Variants in APOLD1 observed in about 807,000 individuals in gnomAD.
The protein encoded by APOLD1 is apolipoprotein L domain containing 1, also known as apolipoprotein L domain-containing protein 1.
Under a neutral mutation model 15.3 loss-of-function variants are expected in APOLD1, and 22 were observed. The observed-to-expected ratio is 1.44, with a 90% confidence interval of 1.03 to 2.05. The LOEUF (loss-of-function observed/expected upper bound fraction) is 2.05. Ranked by LOEUF, APOLD1 falls within the 30% of genes most tolerant of loss-of-function variation. The probability of loss-of-function intolerance (pLI) is 0.00; values close to 1 mark genes in which losing one functional copy is unlikely to be tolerated. For synonymous variants in APOLD1, 190 were observed against 167.4 expected, an observed-to-expected ratio of 1.13 and a Z score of -1.04; for missense variants, 394 against 353.5, an observed-to-expected ratio of 1.11 and a Z score of -0.92.
At chr12:12,749,451 C>T (rs1946790659) in intron 1 of APOLD1, among the ~76,000 whole-genome samples, 1 of 152,202 alleles carries the variant, frequency 6.6e-6, no homozygotes, top group African/African-American at 2.4e-5. Flanking sequence ...CCCACCTTTT[C>T]TGCCCAGCAG....
rs1947133107 is a variant in APOLD1, at chr12:12,786,996, C to A, written c.91C>A (p.Leu31Met). 1 of 1,419,334 alleles carries A rather than the reference C, an allele frequency of 7.0e-7. No individual in the cohort carries two copies. Among genetic ancestry groups the A allele is most frequent in the African/African-American group, 1.5e-5 (1 of 66,416 alleles). 87.9% of individuals were successfully genotyped at this position (1,419,334 alleles called of 1,614,324 possible). A position where few individuals can be genotyped will look rare whatever the true frequency, so the allele number is the denominator to read the frequency against. Residue 31 changes from leucine (L) to methionine (M), a missense_variant, in exon 2 of 2, where the codon CTG becomes ATG. Physicochemically the swap from Leu to Met is conservative, Grantham distance 15. Coordinates refer to ENST00000356591, the MANE Select transcript of APOLD1 (RefSeq NM_030817.3). Reference sequence around the variant, plus strand: ...ACTGCTGCTGGACCGCCGAGGCCGGCTGCACGGCCAGGTGCTGCGCCTGCG... The same window carrying A: ...ACTGCTGCTGGACCGCCGAGGCCGGATGCACGGCCAGGTGCTGCGCCTGCG... ...QGLLLDRRGR[L>M]HGQVLRLREV...
chr12:12,767,769 G>C (rs1386987274), intron 1 of APOLD1, among the ~76,000 whole-genome samples: 1 of 151,830 alleles, frequency 6.6e-6, no homozygotes, highest in East Asian at 1.9e-4. Flanking sequence ...GAAAGGAGGT[G>C]AGTAGGTTAT....
At chr12:12,739,117 A>C (rs1160614396) in intron 1 of APOLD1, among the ~76,000 whole-genome samples, 1 of 152,174 alleles carries the variant, frequency 6.6e-6, no homozygotes, top group Non-Finnish European at 1.5e-5. Context: ...CTAAGAGATA[A>C]AGTTGGCTTG....
intron 1 of APOLD1, among the ~76,000 whole-genome samples, chr12:12,780,026 T>A (rs1259905471): frequency 6.6e-6 from 1 of 152,080 alleles, no homozygotes; most frequent in Non-Finnish European, 1.5e-5. Flanking sequence ...TATTCTAAGT[T>A]ATACCAAGCT....
At chr12:12,740,574 T>C (rs1946723262) in intron 1 of APOLD1, among the ~76,000 whole-genome samples, 1 of 152,224 alleles carries the variant, frequency 6.6e-6, no homozygotes, top group Non-Finnish European at 1.5e-5. Flanking sequence ...GAACCTAATA[T>C]CCCAATCTCT....
chr12:12,758,226 A>G (rs933952993), intron 1 of APOLD1, among the ~76,000 whole-genome samples: 18 of 150,642 alleles, frequency 1.2e-4, no homozygotes, highest in Non-Finnish European at 1.9e-4. Context: ...GTGAACCACC[A>G]CGCCTGAACT....
At chr12:12,758,810 G>A (rs1946877803) in intron 1 of APOLD1, among the ~76,000 whole-genome samples, 1 of 152,024 alleles carries the variant, frequency 6.6e-6, no homozygotes, top group Non-Finnish European at 1.5e-5. Context: ...TAGCAATCTC[G>A]GCATATGATT....
rs780151617 is a variant in APOLD1 at position 12,787,675 on chromosome 12, C to A, written c.*23C>A. 1 of 1,553,150 alleles carries A rather than the reference C, an allele frequency of 6.4e-7. No individual in the cohort carries two copies. Among genetic ancestry groups the A allele is most frequent in the South Asian group, 1.2e-5 (1 of 83,822 alleles). On this transcript the variant is annotated 3_prime_UTR_variant, in exon 2 of 2. Coordinates refer to ENST00000356591, the MANE Select transcript of APOLD1 (RefSeq NM_030817.3). The surrounding 1 kb of genome is among the most constrained non-coding windows in gnomAD (Gnocchi z 4.9). ...TGAGAACATCCTTTCCCCCTAATGA[C>A]CGAGGCCAGCAAATCATCCTCATGG...
chr12:12,771,553 GC>G, intron 1 of APOLD1: 1 of 521,934 alleles, frequency 1.9e-6, no homozygotes. Context: ...CCAATTTCCT[GC>G]CCCATTTGTT....
At chr12:12,770,770 GAATAC>G (rs1359119699) in intron 1 of APOLD1, among the ~76,000 whole-genome samples, 4 of 107,644 alleles carry the variant, frequency 3.7e-5, no homozygotes, top group African/African-American at 1.3e-4. Context: ...ACACCAATAA[GAATAC>G]ATGTTAAAAA....
At chr12:12,736,573 T>C (rs1946688287) in intron 1 of APOLD1, among the ~76,000 whole-genome samples, 1 of 152,150 alleles carries the variant, frequency 6.6e-6, no homozygotes. Flanking sequence ...CTTGAGCAGC[T>C]TCAAATAAAT....
chr12:12,753,031 G>A (rs555932068), intron 1 of APOLD1, among the ~76,000 whole-genome samples: 7 of 152,246 alleles, frequency 4.6e-5, no homozygotes, highest in Admixed American at 3.9e-4. Context: ...GTGCACTCAC[G>A]TTGGAACACT....
At chr12:12,727,329 A>G (rs761887461) in intron 1 of APOLD1, among the ~76,000 whole-genome samples, 5 of 152,218 alleles carry the variant, frequency 3.3e-5, no homozygotes, top group Non-Finnish European at 4.4e-5. Context: ...ATTGGGCTAA[A>G]TAAAATATAT....
chr12:12,784,286 T>C (rs1045837747), upstream of APOLD1, among the ~76,000 whole-genome samples: 1 of 152,184 alleles, frequency 6.6e-6, no homozygotes, highest in Non-Finnish European at 1.5e-5. Context: ...ATCAGTGGTA[T>C]GTTCCCTCTT....
At position 12,789,302 on chromosome 12, in the gene APOLD1, C is replaced by T. The variant is rs1947162799; in HGVS notation, c.*1650C>T. 1.3e-5 allele frequency: 2 copies of T among 152,188 alleles called. No homozygotes were observed. Among genetic ancestry groups the T allele is most frequent in the Admixed American group, 1.3e-4 (2 of 15,274 alleles). 9.4% of individuals were successfully genotyped at this position (152,188 alleles called of 1,614,324 possible). A position where few individuals can be genotyped will look rare whatever the true frequency, so the allele number is the denominator to read the frequency against. ...GCTTTCCTTGATTGTCTCTCTCCTT[C>T]AGGGAGATTCTTTTTCTCTAGTGTT... On this transcript the variant is annotated 3_prime_UTR_variant, in exon 2 of 2. Transcript: ENST00000356591.
At chr12:12,729,015 G>A (rs1012641646) in intron 1 of APOLD1, among the ~76,000 whole-genome samples, 6 of 151,984 alleles carry the variant, frequency 3.9e-5, no homozygotes, top group Non-Finnish European at 7.4e-5. Context: ...ATCCTGTTTC[G>A]TTCCTTTGTT....
intron 1 of APOLD1, among the ~76,000 whole-genome samples, chr12:12,780,298 G>A (rs919913435): frequency 1.3e-5 from 2 of 150,660 alleles, no homozygotes; most frequent in Admixed American, 6.6e-5. Context: ...AGGCTGGAGT[G>A]CAGTGGTGTG....
At chr12:12,775,983 G>C (rs1184485314) in intron 1 of APOLD1, among the ~76,000 whole-genome samples, 2 of 115,870 alleles carry the variant, frequency 1.7e-5, no homozygotes, top group Admixed American at 2.5e-4. Context: ...CAGCTTGGGT[G>C]ACAGGGTGAG....
Position 12,767,202 on chromosome 12 carries a change from C to T in APOLD1, c.97-19707C>T, listed in dbSNP as rs555907313. 1.1e-4 allele frequency among the ~76,000 whole-genome samples: 16 copies of T among 152,178 alleles called. No homozygotes were observed. The South Asian group carries it at 1.9e-3, about 18-fold the overall frequency. On this transcript the variant is annotated intron_variant, in intron 1 of 1. Coordinates refer to the APOLD1 transcript ENST00000326765. Reference sequence around the variant, plus strand: ...TGGAGGTTGCAGTGTGCCAAGACCACGCCAGTGCACTCCAGCTTGGGTGAC... The same window carrying T: ...TGGAGGTTGCAGTGTGCCAAGACCATGCCAGTGCACTCCAGCTTGGGTGAC...
Sources: gnomAD v4.1 joint callset for allele counts (sites outside exome capture counted in the v4.1 genomes callset) on GRCh38, gnomAD v4.1.1 for gene constraint, Gnocchi (gnomAD v3.1) non-coding constraint, MANE v1.5 for transcripts, NCBI Gene and HGNC (gene_info 2026-07-23, HGNC 2026-07-21) for gene names.